The following NCOA2 variants were observed in gnomAD, a reference collection of about 807,000 sequenced individuals.
NCOA2 encodes the protein class E basic helix-loop-helix protein 75.
A neutral mutation model predicts 145.1 loss-of-function variants in NCOA2; 21 were observed. The ratio of observed to expected loss-of-function variants is 0.14; its 90% CI spans 0.10 to 0.21. The LOEUF is 0.21. Among genes scored for constraint, NCOA2 ranks in the 10% least tolerant of loss-of-function variants. The pLI, the probability that NCOA2 is intolerant of heterozygous loss-of-function variation, is 1.00. For synonymous variants in NCOA2, 619 were observed against 637.5 expected (o/e 0.97, Z 0.44); for missense variants, 1,472 against 1,837.6 (o/e 0.80, Z 3.64).
intron 1 of NCOA2, among the ~76,000 whole-genome samples, chr8:70,320,652 C>G (rs7815798): frequency 0.24 from 37,020 of 151,710 alleles, 5,648 homozygotes; most frequent in East Asian, 0.57. Context: ...GCTAAAATTG[C>G]AAGGAAATTA....
chr8:70,435,228 A>T, the NCOA2 span, among the ~76,000 whole-genome samples: 2 of 151,272 alleles, frequency 1.3e-5, no homozygotes, highest in South Asian at 4.2e-4. Context: ...GATCGAGACC[A>T]TCCTGGCTAA....
In NCOA2 at chr8:70,126,039, T is replaced by C. The variant is rs183780738; in HGVS notation, c.3916+774A>G. Among the ~76,000 whole-genome samples the C allele has an allele frequency of 1.4e-3, 218 of 152,358 alleles. 1 individual carries two copies. The highest frequency in any genetic ancestry group is 5.1e-3 in the African/African-American group (211 of 41,598). On this transcript the variant is annotated intron_variant, in intron 19 of 22. Coordinates refer to ENST00000452400, the MANE Select transcript of NCOA2 (RefSeq NM_006540.4). The stretch of plus-strand genomic sequence containing the variant: ...ATATAGAAAAAGGCTGCACATTATC[T>C]TTCTGTTCTTTAAAGAAACAGGAGA...
intron 4 of NCOA2, among the ~76,000 whole-genome samples, chr8:70,180,108 C>A (rs1291634575): frequency 6.6e-6 from 1 of 152,108 alleles, no homozygotes; most frequent in Non-Finnish European, 1.5e-5. Context: ...TAGATAAAGA[C>A]CACGACCTAA....
intron 14 of NCOA2, among the ~76,000 whole-genome samples, chr8:70,139,644 C>CTTTTTTTTTTT (rs911504754): frequency 6.5e-5 from 6 of 91,856 alleles, no homozygotes; most frequent in African/African-American, 2.5e-4. Flanking sequence ...CGCTGGCCAT[C>CTTTTTTTTTTT]TTTTTTTTTT....
intron 4 of NCOA2, among the ~76,000 whole-genome samples, chr8:70,213,419 G>C (rs1819260166): frequency 6.6e-6 from 1 of 152,188 alleles, no homozygotes; most frequent in South Asian, 2.1e-4. Flanking sequence ...GGAGGTTAGA[G>C]ACTTTCAAAT....
intron 1 of NCOA2, among the ~76,000 whole-genome samples, chr8:70,355,503 TG>T (rs1426087742): frequency 6.6e-6 from 1 of 152,178 alleles, no homozygotes; most frequent in Non-Finnish European, 1.5e-5. Context: ...GTCCAATCCA[TG>T]GCCCAGGATG....
At chr8:70,231,998 G>A (rs1475733700) in intron 2 of NCOA2, among the ~76,000 whole-genome samples, 1 of 152,100 alleles carries the variant, frequency 6.6e-6, no homozygotes, top group Non-Finnish European at 1.5e-5. Context: ...GTATCCCGCA[G>A]GTCCTTGTCT....
chr8:70,240,070 C>G (rs1821994927), intron 2 of NCOA2, among the ~76,000 whole-genome samples: 1 of 152,144 alleles, frequency 6.6e-6, no homozygotes, highest in Admixed American at 6.5e-5. Flanking sequence ...ATGTGGCCCT[C>G]TACCCCTTTC....
At chr8:70,179,471 T>C (rs187301466) in intron 4 of NCOA2, among the ~76,000 whole-genome samples, 1 of 152,316 alleles carries the variant, frequency 6.6e-6, no homozygotes, top group Admixed American at 6.5e-5. Flanking sequence ...TTTAGAGAGA[T>C]ACTATTATGT....
At chr8:70,278,100 C>T (rs1825603045) in intron 2 of NCOA2, among the ~76,000 whole-genome samples, 1 of 152,214 alleles carries the variant, frequency 6.6e-6, no homozygotes, top group South Asian at 2.1e-4. Flanking sequence ...AACCATTAAT[C>T]TACCTTCTAT....
At chr8:70,152,398 T>C (rs1032529640) in intron 11 of NCOA2, among the ~76,000 whole-genome samples, 1 of 152,254 alleles carries the variant, frequency 6.6e-6, no homozygotes, top group Non-Finnish European at 1.5e-5. Context: ...AATTTTACCA[T>C]ATTTGCCTAA....
At chr8:70,405,437 G>GTTTTTTT (rs34814735), upstream of NCOA2, among the ~76,000 whole-genome samples, 1,562 of 59,376 alleles carry the variant, frequency 0.026, 316 homozygotes, top group East Asian at 0.057. Context: ...ATTTTTAAAG[G>GTTTTTTT]TTTTTTTTTT....
the NCOA2 span, among the ~76,000 whole-genome samples, chr8:70,434,888 C>A: frequency 6.6e-6 from 1 of 152,076 alleles, no homozygotes; most frequent in Admixed American, 6.6e-5. Context: ...CTAATGATCT[C>A]ATTTATATAA....
intron 2 of NCOA2, among the ~76,000 whole-genome samples, chr8:70,226,499 C>T (rs1308384700): frequency 1.3e-5 from 2 of 151,956 alleles, no homozygotes; most frequent in Non-Finnish European, 2.9e-5. Context: ...ACAAAGACTG[C>T]CTACAATGAA....
upstream of NCOA2, among the ~76,000 whole-genome samples, chr8:70,404,975 CAAT>C (rs1435494961): frequency 6.6e-6 from 1 of 152,144 alleles, no homozygotes; most frequent in East Asian, 1.9e-4. Flanking sequence ...TTGCGGTAGA[CAAT>C]AAGAGTGTTT....
chr8:70,142,463 C>T (rs1287980474), intron 13 of NCOA2, among the ~76,000 whole-genome samples: 1 of 152,140 alleles, frequency 6.6e-6, no homozygotes, highest in Non-Finnish European at 1.5e-5. Flanking sequence ...CTTAGGGAGG[C>T]TGCGGTGGGC....
intron 1 of NCOA2, among the ~76,000 whole-genome samples, chr8:70,314,286 G>C (rs757527321): frequency 4.7e-5 from 7 of 149,652 alleles, no homozygotes; most frequent in Admixed American, 2.0e-4. Context: ...ACTCATAAAG[G>C]CATCAAAGTA....
intron 2 of NCOA2, among the ~76,000 whole-genome samples, chr8:70,239,357 A>C (rs1009665167): frequency 1.2e-4 from 19 of 152,208 alleles, no homozygotes; most frequent in Non-Finnish European, 2.5e-4. Flanking sequence ...ACCAACCACC[A>C]AGCAGAAAAA....
intron 21 of NCOA2, among the ~76,000 whole-genome samples, chr8:70,122,697 C>T (rs1288387266): frequency 6.6e-6 from 1 of 152,174 alleles, no homozygotes; most frequent in Non-Finnish European, 1.5e-5. Context: ...TTCTCATGTA[C>T]CACTTTCCAT....
Sources: allele counts gnomAD v4.1 joint callset (sites outside exome capture counted in the v4.1 genomes callset), GRCh38; gene constraint gnomAD v4.1.1; transcripts MANE v1.5; gene names NCBI Gene and HGNC (gene_info 2026-07-23, HGNC 2026-07-21).